Variants in CLASP2 observed in about 807,000 individuals in gnomAD.
CLASP2 encodes cytoplasmic linker associated protein 2.
In CLASP2, 47 loss-of-function variants were observed where a neutral mutation model predicts 194.4. The ratio of observed to expected loss-of-function variants is 0.24; its 90% CI spans 0.19 to 0.31. The LOEUF (loss-of-function observed/expected upper bound fraction) is 0.31, where lower values mean the gene tolerates loss of function less well. Ranked by LOEUF, CLASP2 falls within the 10% of genes least tolerant of loss-of-function variation. The pLI is 1.00. For missense variants in CLASP2, 1,445 were observed against 1,823.6 expected (o/e 0.79, Z 3.78); for synonymous variants, 619 against 633.5 (o/e 0.98, Z 0.34).
intron 21 of CLASP2, among the ~76,000 whole-genome samples, chr3:33,590,966 A>G (rs1191997409): frequency 6.6e-6 from 1 of 152,078 alleles, no homozygotes; most frequent in Non-Finnish European, 1.5e-5. Flanking sequence ...GTATGGCTTG[A>G]GCCCAGGAGT....
In CLASP2 at chr3:33,560,914, G is replaced by A; in HGVS notation, c.2824C>T (p.Leu942Phe). The A allele has an allele frequency of 1.9e-6, 3 of 1,613,834 alleles. No homozygotes were observed. Among genetic ancestry groups the A allele is most frequent in the Non-Finnish European group, 2.5e-6 (3 of 1,179,792 alleles). Residue 942 changes from leucine (L) to phenylalanine (F), a missense_variant, in exon 28 of 39, where the codon CTT becomes TTT. Leu to Phe is a conservative substitution (Grantham distance 22). Around this residue, in one of 4 missense-constraint regions of CLASP2, gnomAD observed 732 missense variants for 987.9 expected, o/e 0.74. Coordinates refer to ENST00000682230, the MANE Select transcript of CLASP2 (RefSeq NM_001365631.1). ...AGCAGTACAAACAACCAATCTTGAAGATCATCTTTGTGGACTTGTATGAAA... is the reference window on the plus strand; with the variant it reads ...AGCAGTACAAACAACCAATCTTGAAAATCATCTTTGTGGACTTGTATGAAA... The part of the protein sequence containing the change: ...VDFIQVHKDD[L>F]QDWLFVLLTQ...
At chr3:33,562,978 A>C (rs1038668909) in intron 27 of CLASP2, among the ~76,000 whole-genome samples, 4 of 152,132 alleles carry the variant, frequency 2.6e-5, no homozygotes, top group African/African-American at 9.7e-5. Context: ...CTCTTCCCTC[A>C]ATTTGATTTC....
intron 1 of CLASP2, among the ~76,000 whole-genome samples, chr3:33,710,419 A>G (rs112284943): frequency 2.6e-5 from 4 of 152,230 alleles, no homozygotes; most frequent in African/African-American, 4.8e-5. Context: ...GCCAAAAAAC[A>G]TAATTTTTAA....
At chr3:33,619,360 A>G (rs1389251417) in intron 12 of CLASP2, among the ~76,000 whole-genome samples, 1 of 152,192 alleles carries the variant, frequency 6.6e-6, no homozygotes, top group African/African-American at 2.4e-5. Flanking sequence ...ACATGTATGT[A>G]TGTATTTTAT....
At chr3:33,601,235 C>T (rs1053788837) in intron 18 of CLASP2, among the ~76,000 whole-genome samples, 2 of 152,160 alleles carry the variant, frequency 1.3e-5, no homozygotes, top group Non-Finnish European at 2.9e-5. Flanking sequence ...GCTGGGATTA[C>T]AGGTGTGAGC....
chr3:33,498,876 A>G (rs1025556734), intron 38 of CLASP2, among the ~76,000 whole-genome samples, 159 bp from the exon 39 acceptor site: 1 of 152,254 alleles, frequency 6.6e-6, no homozygotes, highest in Non-Finnish European at 1.5e-5. Context: ...AGGAATAACA[A>G]ATTATTTTTT....
intron 21 of CLASP2, among the ~76,000 whole-genome samples, chr3:33,587,877 A>C (rs916161117): frequency 2.6e-5 from 4 of 152,226 alleles, no homozygotes; most frequent in African/African-American, 9.6e-5. Context: ...AAAAAGTATA[A>C]ATAATGAACT....
At chr3:33,611,159 C>G (rs965204837) in intron 13 of CLASP2, among the ~76,000 whole-genome samples, 2 of 152,116 alleles carry the variant, frequency 1.3e-5, no homozygotes, top group African/African-American at 4.8e-5. Context: ...CAAAAAAACA[C>G]AACCTTGCAC....
At chr3:33,629,986 A>G (rs1269744600) in intron 9 of CLASP2, among the ~76,000 whole-genome samples, 1 of 152,146 alleles carries the variant, frequency 6.6e-6, no homozygotes, top group Non-Finnish European at 1.5e-5. Flanking sequence ...AATCGTGCAG[A>G]AGTAGTTGTT....
chr3:33,668,758 A>G (rs1049969152), intron 6 of CLASP2, among the ~76,000 whole-genome samples: 1 of 152,122 alleles, frequency 6.6e-6, no homozygotes, highest in Non-Finnish European at 1.5e-5. Flanking sequence ...AAGAAGCATC[A>G]CCAAGGAGAA....
chr3:33,568,553 C>CAAAAAAAAAAAAAAAAAAAAACAAAAAA (rs2063173391), intron 26 of CLASP2, among the ~76,000 whole-genome samples: 1 of 56,844 alleles, frequency 1.8e-5, no homozygotes, highest in Non-Finnish European at 3.1e-5. Flanking sequence ...GATCTTGTCT[C>CAAAAAAAAAAAAAAAAAAAAACAAAAAA]AAAAAAAAAA....
At chr3:33,667,534 T>C (rs2086422666) in intron 6 of CLASP2, among the ~76,000 whole-genome samples, 1 of 152,162 alleles carries the variant, frequency 6.6e-6, no homozygotes. Context: ...ATCCAATTTA[T>C]CTATTTTTCT....
chr3:33,641,652 T>G (rs1159492970), intron 8 of CLASP2, among the ~76,000 whole-genome samples: 1 of 152,000 alleles, frequency 6.6e-6, no homozygotes, highest in Non-Finnish European at 1.5e-5. Flanking sequence ...TGCTAAAAAT[T>G]GCATACAGCC....
intron 34 of CLASP2, among the ~76,000 whole-genome samples, chr3:33,517,620 T>C (rs914665005): frequency 6.6e-6 from 1 of 152,184 alleles, no homozygotes; most frequent in Non-Finnish European, 1.5e-5. Flanking sequence ...TGGATTTAGG[T>C]AGTGACAATC....
chr3:33,548,727 T>C (rs1483470742), intron 30 of CLASP2, among the ~76,000 whole-genome samples: 3 of 151,980 alleles, frequency 2.0e-5, no homozygotes, highest in Non-Finnish European at 4.4e-5. Flanking sequence ...TTCTAGTGAT[T>C]TCCTGCCACA....
chr3:33,532,156 G>A (rs1338427711), intron 34 of CLASP2, among the ~76,000 whole-genome samples: 3 of 152,194 alleles, frequency 2.0e-5, no homozygotes, highest in Non-Finnish European at 4.4e-5. Context: ...TAAGCAAAAT[G>A]TGGCATATAC....
chr3:33,709,560 A>G (rs2092900265), intron 1 of CLASP2, among the ~76,000 whole-genome samples: 1 of 152,188 alleles, frequency 6.6e-6, no homozygotes, highest in African/African-American at 2.4e-5. Flanking sequence ...AGATGTGACG[A>G]CGTTATACTG....
At chr3:33,592,207 A>C (rs2068954399) in intron 21 of CLASP2, 188 bp downstream of exon 21, 8 of 707,118 alleles carry the variant, frequency 1.1e-5, no homozygotes, top group Non-Finnish European at 2.1e-5. Flanking sequence ...ACATTGAAAA[A>C]AATACCTTCA....
intron 23 of CLASP2, among the ~76,000 whole-genome samples, chr3:33,580,224 T>C (rs1437729675): frequency 7.2e-5 from 11 of 152,154 alleles, no homozygotes; most frequent in Non-Finnish European, 1.5e-5. Flanking sequence ...CAAAAAAGCC[T>C]AGTATATTTG....
Sources: allele counts gnomAD v4.1 joint callset (sites outside exome capture counted in the v4.1 genomes callset), GRCh38; gene constraint gnomAD v4.1.1; regional missense constraint gnomAD v4.1.1; transcripts MANE v1.5; gene names NCBI Gene and HGNC (gene_info 2026-07-23, HGNC 2026-07-21).